The following KLRG1 variants were observed in gnomAD, a reference collection of about 807,000 sequenced individuals.
The protein encoded by KLRG1 is killer cell lectin like receptor G1.
KLRG1 carries 16 observed loss-of-function variants against 21.8 expected under a neutral mutation model. The ratio of observed to expected loss-of-function variants is 0.73; its 90% CI spans 0.50 to 1.11. The LOEUF (loss-of-function observed/expected upper bound fraction) is 1.11. Ranked by LOEUF, KLRG1 falls within the 50% of genes most tolerant of loss-of-function variation. The pLI is 0.00. For synonymous variants in KLRG1, 69 were observed against 75.9 expected, an observed-to-expected ratio of 0.91 and a Z score of 0.47; for missense variants, 173 against 218.3, an observed-to-expected ratio of 0.79 and a Z score of 1.31.
the KLRG1 span, among the ~76,000 whole-genome samples, chr12:9,207,275 T>C: frequency 6.6e-6 from 1 of 152,122 alleles, no homozygotes; most frequent in African/African-American, 2.4e-5. Context: ...AAGTGCAGTG[T>C]GGGTATGCAA....
the KLRG1 span, among the ~76,000 whole-genome samples, chr12:9,179,563 T>A: frequency 1.3e-5 from 2 of 152,296 alleles, no homozygotes; most frequent in African/African-American, 4.8e-5. Context: ...AATTTGTAAA[T>A]CACTTATTAC....
the KLRG1 span, chr12:9,112,120 A>T: frequency 6.2e-7 from 1 of 1,606,878 alleles, no homozygotes. Flanking sequence ...CAGCCTGTTT[A>T]TACAGACAAT....
the KLRG1 span, among the ~76,000 whole-genome samples, chr12:9,136,043 T>C: frequency 6.6e-6 from 1 of 152,218 alleles, no homozygotes; most frequent in Non-Finnish European, 1.5e-5. Flanking sequence ...GACAAGACTT[T>C]TACCTAGCAA....
chr12:9,081,711 G>A, the KLRG1 span, among the ~76,000 whole-genome samples: 4 of 152,284 alleles, frequency 2.6e-5, no homozygotes, highest in East Asian at 1.9e-4. Flanking sequence ...TTTCTACAGC[G>A]GGGAAGAGAA....
chr12:9,150,740 T>C, the KLRG1 span: 1 of 1,609,124 alleles, frequency 6.2e-7, no homozygotes, highest in Non-Finnish European at 8.5e-7. Context: ...AGCGTCTGAT[T>C]TGTCACCTGA....
At chr12:9,154,653 T>C in the KLRG1 span, 1 of 1,614,190 alleles carries the variant, frequency 6.2e-7, no homozygotes. Context: ...GTTCTGCTGC[T>C]TCATGATCCA....
chr12:8,962,087 T>A (rs1946391294), intron 1 of KLRG1, among the ~76,000 whole-genome samples: 1 of 151,868 alleles, frequency 6.6e-6, no homozygotes, highest in Non-Finnish European at 1.5e-5. Context: ...CCCCGTCTCT[T>A]GCCAGGCTTG....
chr12:9,115,915 G>T, the KLRG1 span: 20 of 1,368,102 alleles, frequency 1.5e-5, no homozygotes, highest in Non-Finnish European at 2.0e-5. Flanking sequence ...AATCCATCTG[G>T]TCCCAAACAC....
chr12:8,953,495 T>G (rs1245114330), intron 1 of KLRG1, among the ~76,000 whole-genome samples: 1 of 152,074 alleles, frequency 6.6e-6, no homozygotes, highest in Non-Finnish European at 1.5e-5. Context: ...GGAAGACAGG[T>G]TTTTAATCCG....
chr12:9,137,722 C>T, the KLRG1 span, among the ~76,000 whole-genome samples: 1 of 151,996 alleles, frequency 6.6e-6, no homozygotes, highest in Non-Finnish European at 1.5e-5. Context: ...TTTCCAGACA[C>T]AGGTCTTTCA....
chr12:9,154,499 C>T, the KLRG1 span: 1 of 1,043,086 alleles, frequency 9.6e-7, no homozygotes, highest in Non-Finnish European at 1.4e-6. Flanking sequence ...TCAAATATTC[C>T]TAAATACTTC....
At chr12:9,204,280 T>C in the KLRG1 span, among the ~76,000 whole-genome samples, 2 of 152,278 alleles carry the variant, frequency 1.3e-5, no homozygotes, top group Non-Finnish European at 2.9e-5. Flanking sequence ...TCTGAATTCT[T>C]GAATATATAT....
At chr12:9,137,662 G>T in the KLRG1 span, among the ~76,000 whole-genome samples, 1 of 151,894 alleles carries the variant, frequency 6.6e-6, no homozygotes. Flanking sequence ...AATGAACATG[G>T]TATATATTTT....
At chr12:9,118,748 T>G in the KLRG1 span, among the ~76,000 whole-genome samples, 1 of 152,232 alleles carries the variant, frequency 6.6e-6, no homozygotes, top group Non-Finnish European at 1.5e-5. Flanking sequence ...GGGAACTGCT[T>G]ATTGAACATG....
At chr12:9,179,615 C>T in the KLRG1 span, among the ~76,000 whole-genome samples, 13 of 152,026 alleles carry the variant, frequency 8.6e-5, no homozygotes, top group Admixed American at 5.2e-4. Context: ...ATAAATAGTT[C>T]GATCTGTTAA....
intron 1 of KLRG1, among the ~76,000 whole-genome samples, chr12:8,959,421 A>G (rs1461980766): frequency 6.6e-6 from 1 of 152,168 alleles, no homozygotes; most frequent in Non-Finnish European, 1.5e-5. Context: ...GGCTGTGTGA[A>G]AATGGTTTTA....
chr12:9,195,668 G>A, the KLRG1 span, among the ~76,000 whole-genome samples: 2 of 135,774 alleles, frequency 1.5e-5, no homozygotes, highest in South Asian at 2.4e-4. Context: ...TACTAGGGCC[G>A]ATCTAGAACT....
At chr12:9,096,682 T>C in the KLRG1 span, among the ~76,000 whole-genome samples, 77 of 152,342 alleles carry the variant, frequency 5.1e-4, no homozygotes, top group African/African-American at 1.8e-3. Context: ...TTAAAACTGA[T>C]TGACAAGAAC....
At chr12:9,074,652 C>A in the KLRG1 span, 1 of 1,614,040 alleles carries the variant, frequency 6.2e-7, no homozygotes, top group Non-Finnish European at 8.5e-7. Context: ...GAGGTTGGGG[C>A]TGGCTGGGCC....
Sources: gnomAD v4.1 joint callset for allele counts (sites outside exome capture counted in the v4.1 genomes callset) on GRCh38, gnomAD v4.1.1 for gene constraint, MANE v1.5 for transcripts, NCBI Gene and HGNC (gene_info 2026-07-23, HGNC 2026-07-21) for gene names.